The following CACNA2D1 variants were observed in gnomAD, a reference collection of about 807,000 sequenced individuals.
The protein encoded by CACNA2D1 is voltage-dependent calcium channel subunit alpha-2/delta-1.
A neutral mutation model predicts 171.5 loss-of-function variants in CACNA2D1; 53 were observed. That is an observed-to-expected ratio of 0.31 (90% CI 0.25 to 0.39). The LOEUF (loss-of-function observed/expected upper bound fraction) is 0.39. CACNA2D1 is among the 10% of genes least tolerant of loss of function. The pLI, the probability that CACNA2D1 is intolerant of heterozygous loss-of-function variation, is 1.00. For missense variants in CACNA2D1, 903 were observed against 1,299.8 expected (o/e 0.69, Z 4.69); for synonymous variants, 442 against 443.1 (o/e 1.00, Z 0.03).
At chr7:82,368,033 C>T (rs1012749195) in intron 1 of CACNA2D1, among the ~76,000 whole-genome samples, 5 of 152,116 alleles carry the variant, frequency 3.3e-5, no homozygotes, top group Admixed American at 6.5e-5. Flanking sequence ...GTGAAGCCAT[C>T]GCATTAGCAA....
intron 34 of CACNA2D1, among the ~76,000 whole-genome samples, chr7:81,963,837 C>T (rs1356089229): frequency 6.6e-6 from 1 of 151,902 alleles, no homozygotes; most frequent in Non-Finnish European, 1.5e-5. Context: ...TTTACATCCG[C>T]ATAACATTGT....
At chr7:82,002,021 C>CAAAAAAAAAAAAAAA (rs35861959) in intron 18 of CACNA2D1, among the ~76,000 whole-genome samples, 1 of 89,438 alleles carries the variant, frequency 1.1e-5, no homozygotes, top group Non-Finnish European at 2.1e-5. Flanking sequence ...ATTGATTTGA[C>CAAAAAAAAAAAAAAA]AAAAAAAAAA....
At chr7:81,994,439 T>G (rs1797840730) in intron 20 of CACNA2D1, among the ~76,000 whole-genome samples, 1 of 151,954 alleles carries the variant, frequency 6.6e-6, no homozygotes, top group Admixed American at 6.6e-5. Context: ...AAAATAAAAA[T>G]AATTAATATG....
chr7:82,050,637 CAAATAAATCT>C (rs1211982776), intron 10 of CACNA2D1: 7 of 702,398 alleles, frequency 1.0e-5, no homozygotes, highest in South Asian at 8.9e-5. Flanking sequence ...TCCTGGAATG[CAAATAAATCT>C]GAATAAATTG....
chr7:82,438,711 G>A, intron 1 of CACNA2D1, among the ~76,000 whole-genome samples: 1 of 152,164 alleles, frequency 6.6e-6, no homozygotes, highest in Non-Finnish European at 1.5e-5. Flanking sequence ...AAGACTGGTT[G>A]ACACAGTTAG....
intron 3 of CACNA2D1, among the ~76,000 whole-genome samples, chr7:82,318,637 T>G (rs1182481073): frequency 6.6e-6 from 1 of 152,186 alleles, no homozygotes; most frequent in Non-Finnish European, 1.5e-5. Flanking sequence ...TTACATAAAT[T>G]GTAACAATTA....
At chr7:82,205,153 G>C (rs1051833260) in intron 3 of CACNA2D1, among the ~76,000 whole-genome samples, 1 of 152,278 alleles carries the variant, frequency 6.6e-6, no homozygotes, top group South Asian at 2.1e-4. Flanking sequence ...TGTTCTTTCA[G>C]CTACCTGCCA....
At chr7:82,383,021 C>T (rs1010439896) in intron 1 of CACNA2D1, among the ~76,000 whole-genome samples, 1 of 152,066 alleles carries the variant, frequency 6.6e-6, no homozygotes, top group Non-Finnish European at 1.5e-5. Context: ...AAATCTTCAG[C>T]TCCACAGTTG....
At chr7:82,182,701 A>T (rs1797259907) in intron 3 of CACNA2D1, among the ~76,000 whole-genome samples, 1 of 152,146 alleles carries the variant, frequency 6.6e-6, no homozygotes, top group African/African-American at 2.4e-5. Flanking sequence ...TCATTCACAT[A>T]TACATGAATA....
chr7:82,272,212 A>C (rs1808724496), intron 3 of CACNA2D1, among the ~76,000 whole-genome samples: 1 of 152,186 alleles, frequency 6.6e-6, no homozygotes, highest in Admixed American at 6.6e-5. Context: ...TGACAGCAAG[A>C]GTATTGGAAT....
At chr7:82,427,236 A>T (rs1396841307) in intron 1 of CACNA2D1, among the ~76,000 whole-genome samples, 1 of 152,186 alleles carries the variant, frequency 6.6e-6, no homozygotes, top group East Asian at 1.9e-4. Flanking sequence ...GGAAAACATC[A>T]AACTTCATGA....
intron 6 of CACNA2D1, among the ~76,000 whole-genome samples, chr7:82,111,407 C>CAT (rs1429619091): frequency 2.9e-5 from 2 of 69,090 alleles, no homozygotes; most frequent in African/African-American, 1.1e-4. Flanking sequence ...TATATATATT[C>CAT]ATATATGTGT....
chr7:82,344,388 A>C (rs867730052), intron 2 of CACNA2D1, among the ~76,000 whole-genome samples: 1 of 152,256 alleles, frequency 6.6e-6, no homozygotes, highest in Non-Finnish European at 1.5e-5. Context: ...TTAGAGTAAC[A>C]ATAAATAATA....
At chr7:82,220,318 A>G (rs1437337728) in intron 3 of CACNA2D1, among the ~76,000 whole-genome samples, 2 of 152,198 alleles carry the variant, frequency 1.3e-5, no homozygotes, top group Non-Finnish European at 2.9e-5. Context: ...TCAAATATCA[A>G]TGTAAATCTA....
At chr7:82,078,845 A>C (rs1186171549) in intron 7 of CACNA2D1, among the ~76,000 whole-genome samples, 1 of 152,156 alleles carries the variant, frequency 6.6e-6, no homozygotes, top group East Asian at 1.9e-4. Flanking sequence ...AACTCCTCAT[A>C]GTCTACCTGC....
chr7:82,098,050 G>T (rs1437564772), intron 6 of CACNA2D1, among the ~76,000 whole-genome samples: 1 of 152,004 alleles, frequency 6.6e-6, no homozygotes, highest in South Asian at 2.1e-4. Context: ...CGAGGCAGTG[G>T]TTGCAGTGAG....
At position 82,079,606 on chromosome 7, in the gene CACNA2D1, C is replaced by T. The variant is rs138785250; in HGVS notation, c.658+5163G>A. ...ACTTGGGAGGCTGAGGCAGGAGAAT[C>T]GCTCGAACCCAGGGGGCAGAGGTTG... On this transcript the variant is annotated intron_variant, in intron 7 of 38. Transcript: ENST00000356860. 7.4e-3 allele frequency among the ~76,000 whole-genome samples: 1,127 copies of T among 151,416 alleles called. 16 individuals are homozygous for T. The highest frequency in any genetic ancestry group is 0.024 in the East Asian group (125 of 5,104).
intron 21 of CACNA2D1, among the ~76,000 whole-genome samples, 160 bp downstream of exon 21, chr7:81,991,025 T>C (rs939663028): frequency 6.6e-6 from 1 of 151,956 alleles, no homozygotes; most frequent in Non-Finnish European, 1.5e-5. Context: ...ATTACTAGAG[T>C]TTTTCCATCT....
chr7:82,391,402 CCTGA>C (rs1469167456), intron 1 of CACNA2D1, among the ~76,000 whole-genome samples: 4 of 152,288 alleles, frequency 2.6e-5, no homozygotes, highest in East Asian at 3.9e-4. Context: ...CTCTGATTCA[CCTGA>C]CTTTTTGCCC....
Sources: gnomAD v4.1 joint callset for allele counts (sites outside exome capture counted in the v4.1 genomes callset) on GRCh38, gnomAD v4.1.1 for gene constraint, MANE v1.5 for transcripts, NCBI Gene and HGNC (gene_info 2026-07-23, HGNC 2026-07-21) for gene names.